The following TASP1 variants were observed in gnomAD, a reference collection of about 807,000 sequenced individuals.
TASP1 encodes threonine aspartase 1.
In TASP1, 16 loss-of-function variants were observed where a neutral mutation model predicts 56.6. The observed-to-expected ratio is 0.28, with a 90% confidence interval of 0.19 to 0.43. The LOEUF (loss-of-function observed/expected upper bound fraction) is 0.43. Ranked by LOEUF, TASP1 falls within the 20% of genes least tolerant of loss-of-function variation. The pLI is 1.00. For synonymous variants in TASP1, 179 were observed against 184.2 expected (o/e 0.97, Z 0.23); for missense variants, 393 against 511.6 (o/e 0.77, Z 2.24).
chr20:13,336,376 GCCT>G, the TASP1 span, among the ~76,000 whole-genome samples: 928 of 152,266 alleles, frequency 6.1e-3, 3 homozygotes, highest in Non-Finnish European at 8.8e-3. Context: ...CCTGCCCCCT[GCCT>G]CCTCTTATCT....
the TASP1 span, among the ~76,000 whole-genome samples, chr20:13,262,498 G>A: frequency 1.4e-5 from 2 of 146,728 alleles, no homozygotes; most frequent in Non-Finnish European, 3.0e-5. Flanking sequence ...CTTTCCACTC[G>A]TGTACTCTGC....
In TASP1 at chr20:13,488,054, G is replaced by A. The variant is rs560169631; in HGVS notation, c.875-4717C>T. On this transcript the variant is annotated intron_variant, in intron 10 of 13. Coordinates refer to ENST00000337743, the MANE Select transcript of TASP1 (RefSeq NM_017714.3). ...CTAGAATGATAAAGAGAAAGAAAAT[G>A]AGGAGTTAAGAGTCCAAAAGTGTAA... Among the ~76,000 whole-genome samples, 15 of 152,190 alleles carry A rather than the reference G, an allele frequency of 9.9e-5. No homozygotes were observed. The East Asian group carries it at 1.2e-3, about 12-fold the overall frequency.
At chr20:13,359,771 C>T in the TASP1 span, among the ~76,000 whole-genome samples, 5 of 152,052 alleles carry the variant, frequency 3.3e-5, no homozygotes, top group East Asian at 9.6e-4. Context: ...TATTCCTGGA[C>T]TACAGCTATA....
chr20:13,614,854 C>T (rs1239718293), intron 4 of TASP1: 2 of 468,356 alleles, frequency 4.3e-6, no homozygotes, highest in Middle Eastern at 3.3e-4. Context: ...CACACAGTAC[C>T]TGAAATTGTC....
At chr20:13,465,446 A>G (rs2044219957) in intron 11 of TASP1, among the ~76,000 whole-genome samples, 1 of 152,076 alleles carries the variant, frequency 6.6e-6, no homozygotes, top group Non-Finnish European at 1.5e-5. Flanking sequence ...CCCAGCAAAC[A>G]TACTTTTGGG....
downstream of TASP1, among the ~76,000 whole-genome samples, chr20:13,387,786 T>G (rs972125637): frequency 1.3e-5 from 2 of 152,086 alleles, no homozygotes; most frequent in African/African-American, 4.8e-5. Flanking sequence ...ACCAGCAGAG[T>G]ATAATTGTTT....
intron 11 of TASP1, among the ~76,000 whole-genome samples, chr20:13,467,615 A>G (rs1021732358): frequency 6.6e-6 from 1 of 152,168 alleles, no homozygotes; most frequent in African/African-American, 2.4e-5. Flanking sequence ...TCTAAATATT[A>G]CAGAATATAA....
chr20:13,242,598 T>C, the TASP1 span, among the ~76,000 whole-genome samples: 2 of 152,202 alleles, frequency 1.3e-5, no homozygotes, highest in Admixed American at 6.5e-5. Flanking sequence ...GCCTGGTCTC[T>C]TGATGGCAGC....
the TASP1 span, among the ~76,000 whole-genome samples, chr20:13,346,983 C>T: frequency 6.6e-6 from 1 of 152,038 alleles, no homozygotes; most frequent in African/African-American, 2.4e-5. Context: ...CATTATGTAC[C>T]GACAAGCAAT....
chr20:13,359,260 G>C, the TASP1 span, among the ~76,000 whole-genome samples: 2 of 148,754 alleles, frequency 1.3e-5, no homozygotes, highest in Non-Finnish European at 3.0e-5. Flanking sequence ...TCTGGCCACT[G>C]GGCCAAGGAA....
the TASP1 span, among the ~76,000 whole-genome samples, chr20:13,306,281 T>C: frequency 0.79 from 120,101 of 152,080 alleles, 47,658 homozygotes; most frequent in East Asian, 0.87. Flanking sequence ...TTTTCTATGT[T>C]GTTTAGTTTA....
chr20:13,623,860 T>C (rs1223251455), intron 3 of TASP1, among the ~76,000 whole-genome samples: 1 of 152,214 alleles, frequency 6.6e-6, no homozygotes, highest in Admixed American at 6.5e-5. Flanking sequence ...ATTCATATTT[T>C]ATACAGAACA....
chr20:13,605,924 T>C (rs1441319527), intron 4 of TASP1, among the ~76,000 whole-genome samples: 1 of 152,102 alleles, frequency 6.6e-6, no homozygotes, highest in Admixed American at 6.6e-5. Context: ...CCCTACATGA[T>C]CTGACCCTTC....
the TASP1 span, among the ~76,000 whole-genome samples, chr20:13,221,589 G>A: frequency 6.9e-6 from 1 of 145,540 alleles, no homozygotes; most frequent in African/African-American, 2.5e-5. Context: ...GGCAGCTCCT[G>A]CTCCCCCGGC....
At chr20:13,267,706 C>A in the TASP1 span, among the ~76,000 whole-genome samples, 1 of 152,090 alleles carries the variant, frequency 6.6e-6, no homozygotes, top group Admixed American at 6.5e-5. Flanking sequence ...GACATCTAGG[C>A]AAAATGTTAA....
intron 11 of TASP1, among the ~76,000 whole-genome samples, chr20:13,470,933 T>A (rs2044467044): frequency 6.6e-6 from 1 of 152,164 alleles, no homozygotes; most frequent in Admixed American, 6.5e-5. Context: ...CAAGATCCCT[T>A]CTATCTCTGG....
intron 1 of TASP1, among the ~76,000 whole-genome samples, chr20:13,636,811 T>G (rs2049328080): frequency 2.0e-5 from 3 of 152,184 alleles, no homozygotes; most frequent in Admixed American, 1.3e-4. Flanking sequence ...TAGAACTGGA[T>G]AGCCACATGC....
chr20:13,448,481 A>G (rs2043494707), intron 11 of TASP1, among the ~76,000 whole-genome samples: 1 of 152,084 alleles, frequency 6.6e-6, no homozygotes, highest in African/African-American at 2.4e-5. Context: ...AATTTAATTA[A>G]CTGTGATTTT....
At chr20:13,483,541 T>C (rs1356627972) in intron 10 of TASP1, among the ~76,000 whole-genome samples, 1 of 152,132 alleles carries the variant, frequency 6.6e-6, no homozygotes, top group Admixed American at 6.5e-5. Context: ...AGTTTATCAA[T>C]CAAAAGCAAA....
Sources: gnomAD v4.1 joint callset for allele counts (sites outside exome capture counted in the v4.1 genomes callset) on GRCh38, gnomAD v4.1.1 for gene constraint, MANE v1.5 for transcripts, NCBI Gene and HGNC (gene_info 2026-07-23, HGNC 2026-07-21) for gene names.